The following NAV3 variants were observed in gnomAD, a reference collection of about 807,000 sequenced individuals.
The protein encoded by NAV3 is neuron navigator 3, also known as pore membrane and/or filament interacting like protein 1.
A neutral mutation model predicts 244.7 loss-of-function variants in NAV3; 87 were observed. The observed-to-expected ratio is 0.36, with a 90% confidence interval of 0.30 to 0.42. NAV3 has a LOEUF of 0.42. Among genes scored for constraint, NAV3 ranks in the 20% least tolerant of loss-of-function variants. The pLI is 1.00. For synonymous variants in NAV3, 1,126 were observed against 1,042.2 expected, an observed-to-expected ratio of 1.08 and a Z score of -1.55; for missense variants, 2,663 against 2,893.3, an observed-to-expected ratio of 0.92 and a Z score of 1.83.
intron 1 of NAV3, among the ~76,000 whole-genome samples, chr12:77,888,383 A>G (rs553680666): frequency 2.0e-5 from 3 of 152,242 alleles, no homozygotes; most frequent in African/African-American, 7.2e-5. Context: ...AGGTTGAAGC[A>G]GGAGGATTGT....
At chr12:77,744,618 G>A (rs1868441937) in intron 2 of NAV3, among the ~76,000 whole-genome samples, 1 of 151,808 alleles carries the variant, frequency 6.6e-6, no homozygotes, top group Admixed American at 6.6e-5. Context: ...CTTCTTTCAA[G>A]GAAACAACTT....
intron 3 of NAV3, among the ~76,000 whole-genome samples, chr12:77,950,375 G>A (rs1890755246): frequency 6.6e-6 from 1 of 152,002 alleles, no homozygotes. Context: ...GCATTTCATT[G>A]TAACTATAAT....
chr12:78,074,941 A>AGAGT (rs764948067), intron 12 of NAV3, among the ~76,000 whole-genome samples: 3 of 152,194 alleles, frequency 2.0e-5, no homozygotes, highest in Non-Finnish European at 4.4e-5. Context: ...AAAAGACTAG[A>AGAGT]GAGTTTCCTC....
intron 3 of NAV3, among the ~76,000 whole-genome samples, chr12:77,949,658 A>G (rs1184378858): frequency 2.0e-5 from 3 of 151,974 alleles, no homozygotes; most frequent in Non-Finnish European, 1.5e-5. Context: ...CACCCAACAG[A>G]GTAGTATATT....
intron 12 of NAV3, among the ~76,000 whole-genome samples, chr12:78,093,707 A>G (rs1453995605): frequency 6.6e-6 from 1 of 150,728 alleles, no homozygotes; most frequent in African/African-American, 2.4e-5. Flanking sequence ...TGAATTATAC[A>G]AACTTATTTA....
At chr12:77,914,782 T>C (rs778154179) in intron 1 of NAV3, among the ~76,000 whole-genome samples, 9 of 151,814 alleles carry the variant, frequency 5.9e-5, no homozygotes, top group Admixed American at 1.3e-4. Context: ...TATCTTAAGC[T>C]CAAAACAATA....
chr12:77,836,335 A>T (rs1400850813), intron 1 of NAV3, among the ~76,000 whole-genome samples: 1 of 152,110 alleles, frequency 6.6e-6, no homozygotes, highest in Admixed American at 6.5e-5. Flanking sequence ...TTGGTCTGCC[A>T]CCTTTCTTTT....
intron 30 of NAV3, among the ~76,000 whole-genome samples, chr12:78,182,230 A>T (rs956738186): frequency 6.6e-6 from 1 of 152,108 alleles, no homozygotes; most frequent in African/African-American, 2.4e-5. Flanking sequence ...AGTATTATCC[A>T]CACTCAACAA....
intron 2 of NAV3, among the ~76,000 whole-genome samples, chr12:77,804,200 G>A (rs961288046): frequency 6.6e-6 from 1 of 152,114 alleles, no homozygotes. Flanking sequence ...TGCTTTTGAT[G>A]TTTTAGTCAT....
intron 11 of NAV3, among the ~76,000 whole-genome samples, chr12:78,054,386 A>G (rs1049111814): frequency 1.1e-4 from 16 of 152,160 alleles, no homozygotes; most frequent in Non-Finnish European, 1.8e-4. Context: ...ATTTTGACAG[A>G]CCTTAACATC....
At chr12:77,674,530 C>G (rs532178251) in intron 2 of NAV3, among the ~76,000 whole-genome samples, 14 of 152,150 alleles carry the variant, frequency 9.2e-5, no homozygotes, top group Non-Finnish European at 1.8e-4. Flanking sequence ...GCTGGCACTA[C>G]AGGCATGCAC....
At chr12:78,140,243 T>C in intron 19 of NAV3, 39 bp from the exon 20 acceptor site, 2 of 1,582,880 alleles carry the variant, frequency 1.3e-6, no homozygotes, top group Non-Finnish European at 1.7e-6. Flanking sequence ...TGAGTAGACC[T>C]TATTGTTTTA....
intron 1 of NAV3, among the ~76,000 whole-genome samples, chr12:77,894,237 A>G (rs1884301282): frequency 6.6e-6 from 1 of 152,138 alleles, no homozygotes; most frequent in East Asian, 1.9e-4. Context: ...CCAGCATGAC[A>G]ATTATGAACA....
chr12:78,120,272 T>A (rs573440655), intron 15 of NAV3, among the ~76,000 whole-genome samples: 1 of 152,158 alleles, frequency 6.6e-6, no homozygotes, highest in Admixed American at 6.5e-5. Context: ...CTTGTAAAAT[T>A]TCTATAGATT....
At chr12:77,781,822 T>G (rs1437239741) in intron 2 of NAV3, among the ~76,000 whole-genome samples, 1 of 152,154 alleles carries the variant, frequency 6.6e-6, no homozygotes, top group Non-Finnish European at 1.5e-5. Context: ...GGCATCTGCT[T>G]CTTCAAAGAG....
At chr12:77,589,085 G>C (rs991129866) in intron 2 of NAV3, among the ~76,000 whole-genome samples, 9 of 152,148 alleles carry the variant, frequency 5.9e-5, no homozygotes, top group African/African-American at 1.9e-4. Flanking sequence ...ACAGATAAAG[G>C]ATCTAGGTAC....
At chr12:77,912,818 C>G (rs1270775) in intron 1 of NAV3, among the ~76,000 whole-genome samples, 76,146 of 151,720 alleles carry the variant, frequency 0.5, 19,669 homozygotes, top group African/African-American at 0.62. Flanking sequence ...CACCATATTG[C>G]TCAGGCTGGT....
chr12:77,977,740 A>ACACT lies in NAV3; in HGVS notation c.671+9039_671+9040insACTC, dbSNP rs386377075. On this transcript the variant is annotated intron_variant, in intron 5 of 39. Transcript: ENST00000397909. ...CACACACACACACACACACACACAC[A>ACACT]CTCTCTTCAGAATCAAGTAATATAC... Among the ~76,000 whole-genome samples, 9 of 145,600 alleles carry ACACT rather than the reference A, an allele frequency of 6.2e-5. No homozygotes were observed. In the South Asian group the frequency reaches 1.5e-3, roughly 25 times the overall value.
chr12:77,574,809 C>A (rs1207824247), intron 2 of NAV3, among the ~76,000 whole-genome samples: 1 of 151,860 alleles, frequency 6.6e-6, no homozygotes, highest in African/African-American at 2.4e-5. Context: ...TAAGTACAAA[C>A]TCTTAGGATC....
Sources: gnomAD v4.1 joint callset for allele counts (sites outside exome capture counted in the v4.1 genomes callset) on GRCh38, gnomAD v4.1.1 for gene constraint, MANE v1.5 for transcripts, NCBI Gene and HGNC (gene_info 2026-07-23, HGNC 2026-07-21) for gene names.